DESI2: variants seen among roughly 807,000 people sequenced by gnomAD.
DESI2 encodes desumoylating isopeptidase 2.
In DESI2, 10 loss-of-function variants were observed where a neutral mutation model predicts 24.1. The ratio of observed to expected loss-of-function variants is 0.41; its 90% CI spans 0.26 to 0.70. The LOEUF is 0.70. Ranked by LOEUF, DESI2 falls within the 30% of genes least tolerant of loss-of-function variation. The probability of loss-of-function intolerance (pLI) is 0.29; values close to 1 mark genes in which losing one functional copy is unlikely to be tolerated. For missense variants in DESI2, 122 were observed against 234.9 expected (o/e 0.52, Z 3.14); for synonymous variants, 71 against 87.7 (o/e 0.81, Z 1.06).
At position 244,706,669 on chromosome 1, in the gene DESI2, A is replaced by G. The variant is rs545102746; in HGVS notation, c.*880A>G. 6.5e-6 allele frequency: 1 copy of G among 152,742 alleles called. No homozygotes were observed. The highest frequency in any genetic ancestry group is 1.5e-5 in the Non-Finnish European group (1 of 68,028). 9.5% of individuals were successfully genotyped at this position (152,742 alleles called of 1,614,324 possible). ...GAATATCCTAAGTGGTAGCCTTCCAAGTAGCAGTGAGTTGACATTCAGCTG... is the reference window on the plus strand; with the variant it reads ...GAATATCCTAAGTGGTAGCCTTCCAGGTAGCAGTGAGTTGACATTCAGCTG... On this transcript the variant is annotated 3_prime_UTR_variant, in exon 5 of 5. Coordinates refer to ENST00000302550, the MANE Select transcript of DESI2 (RefSeq NM_016076.5).
intron 1 of DESI2, among the ~76,000 whole-genome samples, chr1:244,675,171 A>C (rs908495543): frequency 2.6e-5 from 4 of 152,106 alleles, no homozygotes; most frequent in Non-Finnish European, 4.4e-5. Context: ...GAGTTCTAAG[A>C]GTTCTTATAT....
At chr1:244,682,751 G>A (rs1296507065) in intron 1 of DESI2, among the ~76,000 whole-genome samples, 1 of 151,998 alleles carries the variant, frequency 6.6e-6, no homozygotes, top group Non-Finnish European at 1.5e-5. Context: ...AACGTTATTT[G>A]CAAAGACAGG....
chr1:244,679,791 T>A (rs1168775495), intron 1 of DESI2, among the ~76,000 whole-genome samples: 1 of 145,156 alleles, frequency 6.9e-6, no homozygotes. Flanking sequence ...CGCTCGAACC[T>A]GGGAGGTGGA....
chr1:244,678,373 T>C (rs1375543870), intron 1 of DESI2, among the ~76,000 whole-genome samples: 1 of 152,170 alleles, frequency 6.6e-6, no homozygotes, highest in Admixed American at 6.5e-5. Flanking sequence ...TCAGGCAACA[T>C]ATAGGAGTTC....
chr1:244,703,816 G>A (rs769769897), intron 4 of DESI2, among the ~76,000 whole-genome samples: 7 of 151,972 alleles, frequency 4.6e-5, no homozygotes, highest in Admixed American at 2.0e-4. Flanking sequence ...CCGCCACCAC[G>A]CCTAGCTAAT....
rs1400703687 is a variant in DESI2, at chr1:244,694,746, A to G, written c.351+2726A>G. 3 of 618,572 alleles carry G rather than the reference A, an allele frequency of 4.8e-6. No individual in the cohort carries two copies. The African/African-American group carries it at 5.6e-5, about 11-fold the overall frequency. 38.3% of individuals were successfully genotyped at this position (618,572 alleles called of 1,614,324 possible). A position where few individuals can be genotyped will look rare whatever the true frequency, so the allele number is the denominator to read the frequency against. ...CTTGCTTCTGTGGCTAAGACCAGAGAGATTCATTAAGTTTTATTAGAACAC... is the reference window on the plus strand; with the variant it reads ...CTTGCTTCTGTGGCTAAGACCAGAGGGATTCATTAAGTTTTATTAGAACAC... On this transcript the variant is annotated intron_variant, in intron 4 of 4. Transcript: ENST00000302550.
At chr1:244,675,259 T>TGAACACTTGATAGTGTTCACAAGAACA (rs1326429874) in intron 1 of DESI2, among the ~76,000 whole-genome samples, 1 of 152,184 alleles carries the variant, frequency 6.6e-6, no homozygotes, top group Non-Finnish European at 1.5e-5. Context: ...CTTTTCACTT[T>TGAACACTTGATAGTGTTCACAAGAACA]CTTGATAGTG....
chr1:244,654,334 G>A (rs1391459783), intron 1 of DESI2, among the ~76,000 whole-genome samples: 1 of 152,196 alleles, frequency 6.6e-6, no homozygotes, highest in African/African-American at 2.4e-5. Flanking sequence ...ATTGCCCGTC[G>A]TTATTTTTGT....
chr1:244,699,578 CAAAAAAAAAAAAAAAAA>C (rs559295405), intron 4 of DESI2, among the ~76,000 whole-genome samples: 1,721 of 66,248 alleles, frequency 0.026, 56 homozygotes, highest in African/African-American at 0.079. Context: ...GAGACTGTCT[CAAAAAAAAAAAAAAAAA>C]AAAAAAAAAA....
In DESI2 at chr1:244,705,887, A is replaced by G. The variant is rs1322569559; in HGVS notation, c.*98A>G. 2 of 851,630 alleles carry G rather than the reference A, an allele frequency of 2.3e-6. No homozygotes were observed. Among genetic ancestry groups the G allele is most frequent in the Non-Finnish European group, 3.6e-6 (2 of 558,634 alleles). The allele number at this position is 851,630 out of a possible 1,614,324, so 52.8% of individuals were successfully genotyped here. On this transcript the variant is annotated 3_prime_UTR_variant, in exon 5 of 5. Coordinates refer to ENST00000302550, the MANE Select transcript of DESI2 (RefSeq NM_016076.5). ...CATCCTTTAGATATTTTGTATGCAA[A>G]GATGGCTCTCCCCCAAATCCCAGTT... is the stretch of plus-strand genomic sequence containing the variant.
chr1:244,662,964 A>G (rs191374464), intron 1 of DESI2, among the ~76,000 whole-genome samples: 118 of 152,268 alleles, frequency 7.7e-4, no homozygotes, highest in Admixed American at 1.4e-3. Context: ...AAGCAGTACC[A>G]CCAGAAAGGG....
intron 1 of DESI2, among the ~76,000 whole-genome samples, chr1:244,656,800 T>G (rs1485095397): frequency 6.6e-6 from 1 of 152,196 alleles, no homozygotes; most frequent in East Asian, 1.9e-4. Context: ...ATTTATTTGT[T>G]TTCTCACTCT....
At chr1:244,700,386 T>C (rs1443352931) in intron 4 of DESI2, among the ~76,000 whole-genome samples, 1 of 152,164 alleles carries the variant, frequency 6.6e-6, no homozygotes, top group East Asian at 1.9e-4. Flanking sequence ...GTAATGACTG[T>C]TTTTGTCCCA....
chr1:244,663,826 G>C (rs1252639399), intron 1 of DESI2, among the ~76,000 whole-genome samples: 1 of 151,918 alleles, frequency 6.6e-6, no homozygotes, highest in East Asian at 2.0e-4. Context: ...AGACCATCCT[G>C]GCTAACACGG....
chr1:244,680,035 T>A (rs59324489), intron 1 of DESI2, among the ~76,000 whole-genome samples: 1,765 of 58,966 alleles, frequency 0.03, 39 homozygotes, highest in African/African-American at 0.091. Context: ...TTTTTTTTTT[T>A]TAAACAAAAA....
At chr1:244,693,797 T>C (rs116217982) in intron 4 of DESI2, among the ~76,000 whole-genome samples, 2,217 of 152,298 alleles carry the variant, frequency 0.015, 56 homozygotes, top group African/African-American at 0.051. Context: ...ACCTAGCCTG[T>C]TGGTGGCAGT....
chr1:244,668,950 T>TC lies in DESI2; in HGVS notation c.42+15596dup, dbSNP rs758135483. Among the ~76,000 whole-genome samples the TC allele has an allele frequency of 2.6e-5, 4 of 152,328 alleles. No homozygotes were observed. In the East Asian group the frequency reaches 7.7e-4, roughly 29 times the overall value. ...GAGGATAATTTTTCTGCAATTTTTT[T>TC]CTCTTCCCTTTTATCATATTAATAC... On this transcript the variant is annotated intron_variant, in intron 1 of 4. Coordinates refer to ENST00000302550, the MANE Select transcript of DESI2 (RefSeq NM_016076.5).
intron 1 of DESI2, among the ~76,000 whole-genome samples, chr1:244,661,677 G>T (rs1160895422): frequency 1.3e-5 from 2 of 151,556 alleles, no homozygotes; most frequent in East Asian, 3.9e-4. Flanking sequence ...TTTTGTCCTT[G>T]TGATAGTTTG....
Position 244,707,366 on chromosome 1 carries a change from A to G in DESI2, c.*1577A>G, listed in dbSNP as rs939080462. 1.3e-4 allele frequency: 20 copies of G among 152,772 alleles called. No individual in the cohort carries two copies. In the East Asian group the frequency reaches 3.5e-3, roughly 27 times the overall value. The allele number at this position is 152,772 out of a possible 1,614,324, so 9.5% of individuals were successfully genotyped here. A position where few individuals can be genotyped will look rare whatever the true frequency, so the allele number is the denominator to read the frequency against. ...GGTTATAAGCATTAGCCTGAGGACA[A>G]TGAAGCCACTTAACCTAATTTATGC... On this transcript the variant is annotated 3_prime_UTR_variant, in exon 5 of 5. Transcript: ENST00000302550.
Sources: allele counts gnomAD v4.1 joint callset (sites outside exome capture counted in the v4.1 genomes callset), GRCh38; gene constraint gnomAD v4.1.1; transcripts MANE v1.5; gene names NCBI Gene and HGNC (gene_info 2026-07-23, HGNC 2026-07-21).